The following BAZ1B variants were observed in gnomAD, a reference collection of about 807,000 sequenced individuals.
The protein encoded by BAZ1B is bromodomain adjacent to zinc finger domain 1B, also known as tyrosine-protein kinase BAZ1B.
In BAZ1B, 22 loss-of-function variants were observed where a neutral mutation model predicts 153.8. The observed-to-expected ratio is 0.14, with a 90% CI of 0.10 to 0.20. The LOEUF is 0.20. BAZ1B is among the 10% of genes least tolerant of loss of function. The pLI is 1.00. For synonymous variants in BAZ1B, 676 were observed against 633.4 expected, an observed-to-expected ratio of 1.07 and a Z score of -1.01; for missense variants, 1,325 against 1,799.3, an observed-to-expected ratio of 0.74 and a Z score of 4.77.
At chr7:73,460,239 T>A (rs1235855022) in intron 12 of BAZ1B, among the ~76,000 whole-genome samples, 1 of 151,386 alleles carries the variant, frequency 6.6e-6, no homozygotes, top group Non-Finnish European at 1.5e-5. Flanking sequence ...ACTTCCCTTT[T>A]CCCAGCTAAG....
rs1183567178 is a variant in BAZ1B, at chr7:73,483,966, G to A, written c.891+5228C>T. On this transcript the variant is annotated intron_variant, in intron 6 of 19. Transcript: ENST00000339594. Reference sequence around the variant, plus strand: ...TACACAACAAACAAACTTTAAGAGCGAGACTTTAAAGAAAAATCAGGCCGG... The same window carrying A: ...TACACAACAAACAAACTTTAAGAGCAAGACTTTAAAGAAAAATCAGGCCGG... 5.9e-5 allele frequency among the ~76,000 whole-genome samples: 9 copies of A among 152,106 alleles called. No individual in the cohort carries two copies. In the East Asian group the frequency reaches 1.2e-3, roughly 20 times the overall value.
chr7:73,517,865 T>C (rs1478809364), intron 1 of BAZ1B, among the ~76,000 whole-genome samples: 1 of 152,220 alleles, frequency 6.6e-6, no homozygotes, highest in African/African-American at 2.4e-5. Context: ...CTTGCAGGGA[T>C]TGTTTCTTTC....
chr7:73,493,200 C>T (rs1789723920), intron 4 of BAZ1B, among the ~76,000 whole-genome samples: 1 of 152,180 alleles, frequency 6.6e-6, no homozygotes, highest in Admixed American at 6.5e-5. Flanking sequence ...GTGGCTCACG[C>T]CTGCAATCCC....
chr7:73,493,944 GA>G (rs1314211213), intron 4 of BAZ1B, among the ~76,000 whole-genome samples: 5 of 152,062 alleles, frequency 3.3e-5, no homozygotes, highest in African/African-American at 1.2e-4. Context: ...ATACTACAGT[GA>G]AAAAAATTCA....
At chr7:73,500,780 A>C (rs1369399636) in intron 3 of BAZ1B, among the ~76,000 whole-genome samples, 1 of 151,648 alleles carries the variant, frequency 6.6e-6, no homozygotes, top group Admixed American at 6.6e-5. Flanking sequence ...AATCCCAGCT[A>C]TTCAGGCAGC....
At chr7:73,490,698 C>T (rs1158987686) in intron 5 of BAZ1B, among the ~76,000 whole-genome samples, 1 of 151,864 alleles carries the variant, frequency 6.6e-6, no homozygotes, top group Non-Finnish European at 1.5e-5. Context: ...CTCCGCCTCC[C>T]TGGTTCAAGC....
At chr7:73,475,806 C>A (rs1554572669) in intron 7 of BAZ1B, among the ~76,000 whole-genome samples, 1 of 152,068 alleles carries the variant, frequency 6.6e-6, no homozygotes, top group African/African-American at 2.4e-5. Flanking sequence ...TGCCTGTAAT[C>A]CCAGCTACTC....
chr7:73,444,712 A>G (rs1554565977), intron 16 of BAZ1B, among the ~76,000 whole-genome samples: 3 of 152,160 alleles, frequency 2.0e-5, no homozygotes, highest in African/African-American at 7.2e-5. Flanking sequence ...CAGGATCCCC[A>G]ATGAGAGAAT....
chr7:73,504,537 G>A (rs1049127686), intron 3 of BAZ1B, among the ~76,000 whole-genome samples: 1 of 152,138 alleles, frequency 6.6e-6, no homozygotes, highest in Admixed American at 6.6e-5. Flanking sequence ...GGTGGCAGGT[G>A]CCTGTAGTCC....
At chr7:73,465,773 T>C (rs547647179) in intron 10 of BAZ1B, among the ~76,000 whole-genome samples, 5 of 152,198 alleles carry the variant, frequency 3.3e-5, no homozygotes, top group African/African-American at 1.2e-4. Flanking sequence ...TATATGAAAT[T>C]TTATAAAGTT....
chr7:73,491,530 C>A (rs1554575465), intron 5 of BAZ1B, among the ~76,000 whole-genome samples: 1 of 151,882 alleles, frequency 6.6e-6, no homozygotes, highest in Non-Finnish European at 1.5e-5. Flanking sequence ...ACCCAGGAGG[C>A]AGAGGATGCA....
chr7:73,520,038 T>A (rs1554579879), intron 1 of BAZ1B, among the ~76,000 whole-genome samples: 1 of 151,970 alleles, frequency 6.6e-6, no homozygotes, highest in Non-Finnish European at 1.5e-5. Flanking sequence ...TAAAACCCCA[T>A]CTCTACTAAA....
rs569296582 is a variant in BAZ1B at position 73,444,638 on chromosome 7, G to C, written c.3845-509C>G. ...TCCAGAGAAAAGCTGGTACTTCCAT[G>C]AAGGGCCACAAGGCTCCTCATTAAA... On this transcript the variant is annotated intron_variant, in intron 16 of 19. Coordinates refer to ENST00000339594, the MANE Select transcript of BAZ1B (RefSeq NM_032408.4). Among the ~76,000 whole-genome samples the C allele has an allele frequency of 2.0e-5, 3 of 152,268 alleles. No individual in the cohort carries two copies. The South Asian group carries it at 6.2e-4, about 32-fold the overall frequency.
chr7:73,442,656 G>A (rs1787669763), intron 18 of BAZ1B, 69 bp downstream of exon 18: 1 of 1,563,988 alleles, frequency 6.4e-7, no homozygotes, highest in African/African-American at 1.4e-5. Flanking sequence ...GAGCCCCTCA[G>A]GGGCTCTGGA....
intron 5 of BAZ1B, among the ~76,000 whole-genome samples, chr7:73,490,201 A>G (rs1358505882): frequency 6.6e-6 from 1 of 152,238 alleles, no homozygotes; most frequent in African/African-American, 2.4e-5. Context: ...GTTAGGAATC[A>G]ACATATCTAA....
chr7:73,498,739 C>T (rs148312260), intron 3 of BAZ1B, 41 bp from the exon 4 acceptor site: 1 of 1,555,448 alleles, frequency 6.4e-7, no homozygotes, highest in East Asian at 2.2e-5. Flanking sequence ...ATAATAAACA[C>T]CCAGAAACCT....
intron 4 of BAZ1B, among the ~76,000 whole-genome samples, chr7:73,497,382 G>C (rs1359197906): frequency 6.6e-6 from 1 of 152,148 alleles, no homozygotes; most frequent in African/African-American, 2.4e-5. Context: ...ACGTACTACA[G>C]TTCATTTTAT....
chr7:73,454,925 G>A (rs1171456843), intron 13 of BAZ1B, among the ~76,000 whole-genome samples: 2 of 151,552 alleles, frequency 1.3e-5, no homozygotes, highest in Non-Finnish European at 2.9e-5. Context: ...GTGCGATCTC[G>A]GCTCACTGCA....
chr7:73,497,065 C>CAAAAAAAAAAAAAAAAAAAAA (rs1156829240), intron 4 of BAZ1B, among the ~76,000 whole-genome samples: 41 of 49,458 alleles, frequency 8.3e-4, no homozygotes, highest in African/African-American at 1.9e-3. Flanking sequence ...CTGACCTCTA[C>CAAAAAAAAAAAAAAAAAAAAA]AAAAAAAAAA....
Sources: allele counts gnomAD v4.1 joint callset (sites outside exome capture counted in the v4.1 genomes callset), GRCh38; gene constraint gnomAD v4.1.1; transcripts MANE v1.5; gene names NCBI Gene and HGNC (gene_info 2026-07-23, HGNC 2026-07-21).